Variants in CFDP1 observed in about 807,000 individuals in gnomAD.
The protein encoded by CFDP1 is chromatin remodeling protein CFDP1, also known as heterochromatin-stabilizing protein CFDP1.
CFDP1 carries 31 observed loss-of-function variants against 40.1 expected under a neutral mutation model. The ratio of observed to expected loss-of-function variants is 0.77; its 90% CI spans 0.58 to 1.04. CFDP1 has a LOEUF of 1.04. Among genes scored for constraint, CFDP1 ranks in the 50% least tolerant of loss-of-function variants. The pLI is 0.00. For missense variants in CFDP1, 423 were observed against 343.4 expected (o/e 1.23, Z -1.83); for synonymous variants, 167 against 120.0 (o/e 1.39, Z -2.56).
At chr16:75,364,286 T>C (rs1335688462) in intron 5 of CFDP1, among the ~76,000 whole-genome samples, 1 of 152,196 alleles carries the variant, frequency 6.6e-6, no homozygotes, top group African/African-American at 2.4e-5. Context: ...TAAGCCTCCA[T>C]TCTACCCTTT....
At chr16:75,392,433 A>AC (rs1208874982) in intron 5 of CFDP1, among the ~76,000 whole-genome samples, 2 of 151,798 alleles carry the variant, frequency 1.3e-5, no homozygotes, top group Admixed American at 1.3e-4. Flanking sequence ...AAGCAACAAA[A>AC]AAAAACAGCT....
chr16:75,365,691 A>C (rs999159748), intron 5 of CFDP1, among the ~76,000 whole-genome samples: 2 of 152,224 alleles, frequency 1.3e-5, no homozygotes, highest in African/African-American at 4.8e-5. Context: ...AGCTTGGGCA[A>C]TACAGTGAAA....
At chr16:75,407,321 T>C (rs905796789) in intron 4 of CFDP1, among the ~76,000 whole-genome samples, 6 of 152,048 alleles carry the variant, frequency 3.9e-5, no homozygotes, top group Non-Finnish European at 7.4e-5. Context: ...CCTAGAAAAA[T>C]AGTGTTTCTA....
intron 5 of CFDP1, among the ~76,000 whole-genome samples, chr16:75,359,434 G>A (rs1016254175): frequency 6.6e-5 from 10 of 152,128 alleles, no homozygotes; most frequent in African/African-American, 2.4e-4. Context: ...GCTCTGCAGA[G>A]GCTAATACGC....
chr16:75,314,096 T>C (rs1418172969), intron 5 of CFDP1, among the ~76,000 whole-genome samples: 1 of 152,042 alleles, frequency 6.6e-6, no homozygotes, highest in African/African-American at 2.4e-5. Flanking sequence ...TGTTGGCCAG[T>C]CTGGTCTCGA....
intron 6 of CFDP1, among the ~76,000 whole-genome samples, chr16:75,301,376 T>A (rs2078220218): frequency 6.6e-6 from 1 of 152,044 alleles, no homozygotes; most frequent in Non-Finnish European, 1.5e-5. Flanking sequence ...GGCTCTGACT[T>A]GGTTAGAAGT....
intron 5 of CFDP1, among the ~76,000 whole-genome samples, chr16:75,379,344 A>AG (rs1555561116): frequency 7.4e-5 from 11 of 149,210 alleles, no homozygotes; most frequent in Admixed American, 2.0e-4. Flanking sequence ...CCAAAAAAAA[A>AG]AGAGAGAGAG....
At chr16:75,317,908 C>T (rs1287242195) in intron 5 of CFDP1, among the ~76,000 whole-genome samples, 3 of 151,950 alleles carry the variant, frequency 2.0e-5, no homozygotes, top group East Asian at 1.9e-4. Context: ...GTCAGGAGTT[C>T]GAGACCAGTC....
In CFDP1 at chr16:75,411,204, C is replaced by T. The variant is rs138842646; in HGVS notation, c.530+621G>A. Among the ~76,000 whole-genome samples the T allele has an allele frequency of 3.6e-3, 554 of 151,786 alleles. 4 individuals are homozygous for T. The highest frequency in any genetic ancestry group is 0.012 in the African/African-American group (516 of 41,412). On this transcript the variant is annotated intron_variant, in intron 4 of 6. Coordinates refer to ENST00000283882, the MANE Select transcript of CFDP1 (RefSeq NM_006324.3). ...TGTACTCCAGCCTGCACAACGGGAG[C>T]GAGACTCCATCTAAAAAAAAACAAA... is the stretch of plus-strand genomic sequence containing the variant.
chr16:75,414,858 T>G (rs992179599), intron 1 of CFDP1, among the ~76,000 whole-genome samples, 163 bp from the exon 2 acceptor site: 1 of 152,134 alleles, frequency 6.6e-6, no homozygotes, highest in Non-Finnish European at 1.5e-5. Flanking sequence ...TGGGGAAGTC[T>G]TCTCTGCCCC....
At chr16:75,325,811 T>G (rs2151512302) in intron 5 of CFDP1, among the ~76,000 whole-genome samples, 1 of 152,346 alleles carries the variant, frequency 6.6e-6, no homozygotes, top group East Asian at 1.9e-4. Flanking sequence ...TCTTAGTTGC[T>G]ACTCAAGCTA....
At chr16:75,391,646 T>C (rs2078951823) in intron 5 of CFDP1, 1 of 152,210 alleles carries the variant, frequency 6.6e-6, no homozygotes, top group South Asian at 2.1e-4. Flanking sequence ...ATGTATTCCT[T>C]ATGATGGGCG....
intron 5 of CFDP1, among the ~76,000 whole-genome samples, chr16:75,306,883 ACACACACACACACACACACG>A (rs2078261148): frequency 7.0e-6 from 1 of 141,870 alleles, no homozygotes; most frequent in Non-Finnish European, 1.5e-5. Flanking sequence ...GTGATCACAC[ACACACACACACACACACACG>A]CACACACACA....
intron 1 of CFDP1, among the ~76,000 whole-genome samples, chr16:75,425,169 C>T (rs2079323692): frequency 6.6e-6 from 1 of 151,968 alleles, no homozygotes; most frequent in African/African-American, 2.4e-5. Context: ...AGATTCAATG[C>T]AATTCCAAAC....
intron 5 of CFDP1, among the ~76,000 whole-genome samples, chr16:75,319,400 C>T (rs1411918494): frequency 6.6e-6 from 1 of 152,148 alleles, no homozygotes; most frequent in African/African-American, 2.4e-5. Context: ...AGGAGATAGA[C>T]ATTGGACACA....
chr16:75,325,700 T>C (rs1469440974), intron 5 of CFDP1, among the ~76,000 whole-genome samples: 1 of 152,220 alleles, frequency 6.6e-6, no homozygotes, highest in Non-Finnish European at 1.5e-5. Context: ...AAAATATTTG[T>C]TGAAAGAATG....
chr16:75,399,187 G>A (rs908278425), intron 4 of CFDP1, among the ~76,000 whole-genome samples: 1 of 151,972 alleles, frequency 6.6e-6, no homozygotes, highest in African/African-American at 2.4e-5. Flanking sequence ...GGAACCAAGA[G>A]AAATTATAAT....
At chr16:75,431,758 G>A (rs1356944737) in intron 1 of CFDP1, among the ~76,000 whole-genome samples, 1 of 152,150 alleles carries the variant, frequency 6.6e-6, no homozygotes, top group Non-Finnish European at 1.5e-5. Context: ...TGGGATGAGG[G>A]GAAGGAGGTC....
intron 6 of CFDP1, among the ~76,000 whole-genome samples, chr16:75,295,683 AGGG>A (rs2078177307): frequency 6.6e-6 from 1 of 152,236 alleles, no homozygotes; most frequent in Non-Finnish European, 1.5e-5. Flanking sequence ...ACACAATGAC[AGGG>A]CCTGCTCTTA....
Sources: allele counts gnomAD v4.1 joint callset (sites outside exome capture counted in the v4.1 genomes callset), GRCh38; gene constraint gnomAD v4.1.1; transcripts MANE v1.5; gene names NCBI Gene and HGNC (gene_info 2026-07-23, HGNC 2026-07-21).